Variants in GYPE observed in about 807,000 individuals in gnomAD.
GYPE encodes the protein glycophorin E (MNS blood group).
A neutral mutation model predicts 11.6 loss-of-function variants in GYPE; 8 were observed. The observed-to-expected ratio is 0.69, with a 90% CI of 0.41 to 1.25. GYPE has a LOEUF of 1.25. GYPE is among the 50% of genes most tolerant of loss of function. The probability of loss-of-function intolerance (pLI) is 0.01; values close to 1 mark genes in which losing one functional copy is unlikely to be tolerated. For synonymous variants in GYPE, 28 were observed against 29.6 expected, an observed-to-expected ratio of 0.94 and a Z score of 0.18; for missense variants, 90 against 92.8, an observed-to-expected ratio of 0.97 and a Z score of 0.12.
chr4:143,892,217 T>G (rs1428730811), intron 1 of GYPE, among the ~76,000 whole-genome samples: 1 of 152,182 alleles, frequency 6.6e-6, no homozygotes, highest in Non-Finnish European at 1.5e-5. Context: ...TTTATTAGTC[T>G]TGCTAGCGGT....
At chr4:143,904,624 G>A (rs1232280992) in intron 1 of GYPE, among the ~76,000 whole-genome samples, 1 of 152,044 alleles carries the variant, frequency 6.6e-6, no homozygotes, top group Non-Finnish European at 1.5e-5. Flanking sequence ...GTATGCTACT[G>A]TATGCTCAGT....
rs927766388 is a variant in GYPE at position 143,876,978 on chromosome 4, A to G, written c.137-123T>C. 5 of 686,382 alleles carry G rather than the reference A, an allele frequency of 7.3e-6. No homozygotes were observed. The African/African-American group carries it at 9.0e-5, about 12-fold the overall frequency. 42.5% of individuals were successfully genotyped at this position (686,382 alleles called of 1,614,324 possible). A position where few individuals can be genotyped will look rare whatever the true frequency, so the allele number is the denominator to read the frequency against. On this transcript the variant is annotated intron_variant, in intron 2 of 3. Coordinates refer to ENST00000358615, the MANE Select transcript of GYPE (RefSeq NM_198682.3). ...CCTTTTAATAGAAAGTACAATTAAT[A>G]TACTATCATGTGTATTTTGTCTTTT...
intron 1 of GYPE, among the ~76,000 whole-genome samples, chr4:143,901,414 T>C (rs915438724): frequency 1.8e-3 from 61 of 33,400 alleles, no homozygotes; most frequent in Non-Finnish European, 4.6e-3. Flanking sequence ...AGAAAGTATT[T>C]AAAATGAGAA....
chr4:143,875,150 C>G (rs113407302), intron 3 of GYPE, among the ~76,000 whole-genome samples: 8 of 152,124 alleles, frequency 5.3e-5, no homozygotes, highest in Non-Finnish European at 8.8e-5. Flanking sequence ...TTATCCTGGA[C>G]AGCCACCTAA....
chr4:143,891,079 T>C (rs1483403163), intron 1 of GYPE, among the ~76,000 whole-genome samples: 1 of 152,112 alleles, frequency 6.6e-6, no homozygotes. Flanking sequence ...CAAGTATTAG[T>C]AAACTTCTTA....
At position 143,897,074 on chromosome 4, in the gene GYPE, G is replaced by C. The variant is rs1376532499; in HGVS notation, c.37+8397C>G. On this transcript the variant is annotated intron_variant, in intron 1 of 3. Coordinates refer to ENST00000358615, the MANE Select transcript of GYPE (RefSeq NM_198682.3). ...CTAATGCTAAATGACGAGTTAATGGGTGCAGCACACCAGCATGGCACATGT... is the reference window on the plus strand; with the variant it reads ...CTAATGCTAAATGACGAGTTAATGGCTGCAGCACACCAGCATGGCACATGT... Among the ~76,000 whole-genome samples, 4 of 152,020 alleles carry C rather than the reference G, an allele frequency of 2.6e-5. No individual in the cohort carries two copies. The South Asian group carries it at 8.3e-4, about 32-fold the overall frequency.
chr4:143,898,268 T>C (rs994234608), intron 1 of GYPE, among the ~76,000 whole-genome samples: 38 of 152,230 alleles, frequency 2.5e-4, no homozygotes, highest in African/African-American at 6.7e-4. Context: ...TCTCAGCTAC[T>C]TGGGAGGCTG....
At chr4:143,902,357 A>G (rs1299019202) in intron 1 of GYPE, among the ~76,000 whole-genome samples, 23 of 136,226 alleles carry the variant, frequency 1.7e-4, no homozygotes, top group Middle Eastern at 4.0e-3. Context: ...AAAAAAAAAA[A>G]AGAGATGCCT....
At chr4:143,875,401 G>C in intron 3 of GYPE, 3 of 1,494,754 alleles carry the variant, frequency 2.0e-6, no homozygotes, top group Non-Finnish European at 2.7e-6. Context: ...CCAAGGGTTG[G>C]GGCATAAGCA....
rs1358010689 is a variant in GYPE, at chr4:143,901,640, G to GT, written c.37+3830_37+3831insA. On this transcript the variant is annotated intron_variant, in intron 1 of 3. Coordinates refer to ENST00000358615, the MANE Select transcript of GYPE (RefSeq NM_198682.3). ...TGTCAGCACCATATAAGAAGGATTG[G>GT]GTTTTTTTTTTGAGCAAAAGATATT... 4.5e-4 allele frequency among the ~76,000 whole-genome samples: 8 copies of GT among 17,912 alleles called. No homozygotes were observed. The East Asian group carries it at 0.058, about 130-fold the overall frequency. The allele number at this position is 17,912 out of a possible 152,430, so 11.8% of individuals were successfully genotyped here. A position where few individuals can be genotyped will look rare whatever the true frequency, so the allele number is the denominator to read the frequency against.
intron 3 of GYPE, among the ~76,000 whole-genome samples, chr4:143,875,113 C>T (rs1201643644): frequency 6.6e-6 from 1 of 152,054 alleles, no homozygotes; most frequent in Non-Finnish European, 1.5e-5. Flanking sequence ...TTGTTCTTTT[C>T]CAACATATTT....
chr4:143,878,737 T>TC (rs1743907129), intron 2 of GYPE: 1 of 463,158 alleles, frequency 2.2e-6, no homozygotes, highest in African/African-American at 2.0e-5. Flanking sequence ...AAAAAAATCA[T>TC]TTTGGAATCG....
At chr4:143,883,218 ACTCT>A (rs903762475) in intron 1 of GYPE, among the ~76,000 whole-genome samples, 1 of 150,722 alleles carries the variant, frequency 6.6e-6, no homozygotes, top group Admixed American at 6.6e-5. Flanking sequence ...CTCTCTCCCG[ACTCT>A]CTCTCTTGCT....
intron 1 of GYPE, among the ~76,000 whole-genome samples, chr4:143,890,927 T>C (rs6537207): frequency 0.93 from 140,572 of 151,442 alleles, 66,189 homozygotes; most frequent in East Asian, 1. Context: ...TTGGTGGAAG[T>C]TGGCCTGAGT....
chr4:143,882,129 C>T (rs1452769492), intron 1 of GYPE, among the ~76,000 whole-genome samples: 1 of 152,096 alleles, frequency 6.6e-6, no homozygotes, highest in East Asian at 1.9e-4. Flanking sequence ...ACTTGGCCTG[C>T]CACCTGATTC....
In GYPE at chr4:143,876,799, C is replaced by G. The variant is rs766244851; in HGVS notation, c.193G>C (p.Val65Leu). 37 of 1,610,912 alleles carry G rather than the reference C, an allele frequency of 2.3e-5. No individual in the cohort carries two copies. In the East Asian group the frequency reaches 5.6e-4, roughly 24 times the overall value. ...ATTAAGATGATCATTCCAACAACAA[C>G]AAGCATCACCTCAAAAATAACACGA... is the stretch of plus-strand genomic sequence containing the variant. Reference protein sequence around the residue: ...MARVIFEVMLVVVGMIILISY... With the variant: ...MARVIFEVMLLVVGMIILISY... The change falls in exon 3 of 4, where the codon GTT (valine) becomes CTT (leucine). Residue 65 changes from valine (V) to leucine (L), a missense_variant. Val to Leu is a conservative substitution (Grantham distance 32). Transcript: ENST00000358615.
At chr4:143,901,700 A>G (rs10030863) in intron 1 of GYPE, among the ~76,000 whole-genome samples, 142,219 of 151,724 alleles carry the variant, frequency 0.94, 67,403 homozygotes, top group East Asian at 1. Flanking sequence ...TAATCTGTAA[A>G]GATAACTTGG....
chr4:143,879,162 A>G (rs1373673519), intron 2 of GYPE, among the ~76,000 whole-genome samples: 1 of 152,038 alleles, frequency 6.6e-6, no homozygotes, highest in Non-Finnish European at 1.5e-5. Context: ...GCTTTTGCCA[A>G]TAGTCTCTCT....
intron 1 of GYPE, among the ~76,000 whole-genome samples, chr4:143,902,613 C>A (rs1744909837): frequency 6.6e-6 from 1 of 151,568 alleles, no homozygotes; most frequent in African/African-American, 2.4e-5. Context: ...CCTTTTCCTT[C>A]TTCCTTTCTC....
Sources: allele counts gnomAD v4.1 joint callset (sites outside exome capture counted in the v4.1 genomes callset), GRCh38; gene constraint gnomAD v4.1.1; transcripts MANE v1.5; gene names NCBI Gene and HGNC (gene_info 2026-07-23, HGNC 2026-07-21).